KCNAB1: variants seen among roughly 807,000 people sequenced by gnomAD.
KCNAB1 encodes voltage-gated potassium channel subunit beta-1.
Under a neutral mutation model 64.6 loss-of-function variants are expected in KCNAB1, and 35 were observed. The observed-to-expected ratio is 0.54, with a 90% CI of 0.41 to 0.72. The LOEUF (loss-of-function observed/expected upper bound fraction) is 0.72, where lower values mean the gene tolerates loss of function less well. Among genes scored for constraint, KCNAB1 ranks in the 30% least tolerant of loss-of-function variants. The pLI, the probability that KCNAB1 is intolerant of heterozygous loss-of-function variation, is 0.00. For missense variants in KCNAB1, 401 were observed against 512.9 expected, an observed-to-expected ratio of 0.78 and a Z score of 2.11; for synonymous variants, 177 against 183.8, an observed-to-expected ratio of 0.96 and a Z score of 0.30.
At chr3:156,434,247 C>T (rs1716431842) in intron 2 of KCNAB1, among the ~76,000 whole-genome samples, 1 of 152,164 alleles carries the variant, frequency 6.6e-6, no homozygotes, top group Admixed American at 6.5e-5. Flanking sequence ...AGTCAGCTCA[C>T]CATGGTCACA....
chr3:156,353,437 G>T (rs1311872733), intron 1 of KCNAB1, among the ~76,000 whole-genome samples: 1 of 152,230 alleles, frequency 6.6e-6, no homozygotes, highest in Non-Finnish European at 1.5e-5. Flanking sequence ...AGTTTTGGAG[G>T]TTGTATCAGT....
intron 1 of KCNAB1, among the ~76,000 whole-genome samples, chr3:156,326,478 G>A (rs776904966): frequency 6.6e-6 from 1 of 152,104 alleles, no homozygotes; most frequent in African/African-American, 2.4e-5. Flanking sequence ...TAATGGCAAG[G>A]AATGGGATTC....
intron 1 of KCNAB1, among the ~76,000 whole-genome samples, chr3:156,257,607 A>T (rs905665817): frequency 2.6e-5 from 4 of 152,198 alleles, no homozygotes; most frequent in African/African-American, 9.7e-5. Context: ...TTTACTAGTC[A>T]TCATGGAGCA....
chr3:156,284,693 G>C (rs568605447), intron 1 of KCNAB1, among the ~76,000 whole-genome samples: 1 of 152,348 alleles, frequency 6.6e-6, no homozygotes, highest in Non-Finnish European at 1.5e-5. Context: ...AAGCCCGTCG[G>C]AAAAGTGCAG....
At chr3:156,349,957 T>C (rs1724746110) in intron 1 of KCNAB1, among the ~76,000 whole-genome samples, 1 of 152,250 alleles carries the variant, frequency 6.6e-6, no homozygotes, top group South Asian at 2.1e-4. Context: ...AGCCTATTGG[T>C]GTTCTCTAAT....
intron 1 of KCNAB1, among the ~76,000 whole-genome samples, chr3:156,178,034 C>T (rs1371392966): frequency 6.6e-6 from 1 of 152,198 alleles, no homozygotes; most frequent in African/African-American, 2.4e-5. Flanking sequence ...CCGCACCCCG[C>T]CCATATCCAA....
At chr3:156,423,340 C>G (rs1344877911) in intron 2 of KCNAB1, among the ~76,000 whole-genome samples, 1 of 152,186 alleles carries the variant, frequency 6.6e-6, no homozygotes, top group African/African-American at 2.4e-5. Context: ...GTGAGAAGCA[C>G]ACAAGGAGAC....
At chr3:156,323,401 G>T (rs1722793420) in intron 1 of KCNAB1, among the ~76,000 whole-genome samples, 1 of 152,088 alleles carries the variant, frequency 6.6e-6, no homozygotes, top group Admixed American at 6.6e-5. Flanking sequence ...ATACAGATTT[G>T]TGTTTATTTA....
chr3:156,126,484 G>A (rs977955872), intron 1 of KCNAB1, among the ~76,000 whole-genome samples: 1 of 152,194 alleles, frequency 6.6e-6, no homozygotes, highest in South Asian at 2.1e-4. Context: ...AAATAATAGA[G>A]CAAAATCGTC....
intron 8 of KCNAB1, among the ~76,000 whole-genome samples, chr3:156,490,524 A>C (rs1170413486): frequency 1.3e-5 from 2 of 152,158 alleles, no homozygotes; most frequent in African/African-American, 4.8e-5. Flanking sequence ...ATAGAACAGA[A>C]ACGAGATGGA....
intron 2 of KCNAB1, among the ~76,000 whole-genome samples, chr3:156,431,630 T>C (rs1716216822): frequency 6.6e-6 from 1 of 152,242 alleles, no homozygotes; most frequent in Non-Finnish European, 1.5e-5. Context: ...AAAGTCTCAG[T>C]TCTTTTCAGG....
rs894623871 is a variant in KCNAB1, at chr3:156,291,360, C to T, written c.276-130256C>T. 1.3e-5 allele frequency: 13 copies of T among 993,866 alleles called. No homozygotes were observed. The Admixed American group carries it at 5.0e-4, about 38-fold the overall frequency. The allele number at this position is 993,866 out of a possible 1,614,324, so 61.6% of individuals were successfully genotyped here. A position where few individuals can be genotyped will look rare whatever the true frequency, so the allele number is the denominator to read the frequency against. On this transcript the variant is annotated intron_variant, in intron 1 of 13. Coordinates refer to ENST00000490337, the MANE Select transcript of KCNAB1 (RefSeq NM_172160.3). Reference sequence around the variant, plus strand: ...GATGGAGACCACCAGTCCGAGGGGACCCGCTTGCGATTAGCTGCTTCTTGG... The same window carrying T: ...GATGGAGACCACCAGTCCGAGGGGATCCGCTTGCGATTAGCTGCTTCTTGG...
intron 12 of KCNAB1, among the ~76,000 whole-genome samples, chr3:156,529,032 G>A (rs1286278799): frequency 1.3e-5 from 2 of 152,152 alleles, no homozygotes; most frequent in African/African-American, 4.8e-5. Context: ...GAGATGGTGA[G>A]GGCCTGAGTG....
intron 1 of KCNAB1, among the ~76,000 whole-genome samples, chr3:156,146,030 C>CGCCATTGCAGACTTTA (rs1560106960): frequency 2.0e-5 from 3 of 152,130 alleles, no homozygotes. Context: ...TTTGGTCAGA[C>CGCCATTGCAGACTTTA]GCCATTGCAG....
intron 8 of KCNAB1, among the ~76,000 whole-genome samples, chr3:156,495,831 G>A (rs890508877): frequency 1.3e-5 from 2 of 152,064 alleles, no homozygotes; most frequent in Admixed American, 6.6e-5. Flanking sequence ...TTAATACCCC[G>A]GAAGGTAAAA....
intron 1 of KCNAB1, among the ~76,000 whole-genome samples, chr3:156,301,394 A>G (rs1372693078): frequency 6.6e-6 from 1 of 152,166 alleles, no homozygotes; most frequent in Non-Finnish European, 1.5e-5. Flanking sequence ...TCCTATCTGT[A>G]TATGCACAAG....
intron 1 of KCNAB1, among the ~76,000 whole-genome samples, chr3:156,138,254 C>T (rs1192141333): frequency 6.6e-6 from 1 of 152,166 alleles, no homozygotes; most frequent in African/African-American, 2.4e-5. Flanking sequence ...CACAGCATCA[C>T]CTGCAGAGCA....
At chr3:156,360,038 T>C (rs1278764922) in intron 1 of KCNAB1, among the ~76,000 whole-genome samples, 4 of 152,214 alleles carry the variant, frequency 2.6e-5, no homozygotes, top group Non-Finnish European at 5.9e-5. Context: ...ATAATAAATG[T>C]GGTTTTCTAG....
intron 1 of KCNAB1, among the ~76,000 whole-genome samples, chr3:156,219,200 A>G (rs1402975068): frequency 1.3e-5 from 2 of 152,132 alleles, no homozygotes; most frequent in Non-Finnish European, 2.9e-5. Context: ...CTTAAAAAAA[A>G]TCAAAAACAT....
Sources: gnomAD v4.1 joint callset for allele counts (sites outside exome capture counted in the v4.1 genomes callset) on GRCh38, gnomAD v4.1.1 for gene constraint, MANE v1.5 for transcripts, NCBI Gene and HGNC (gene_info 2026-07-23, HGNC 2026-07-21) for gene names.